Variants in SLC24A2 observed in about 807,000 individuals in gnomAD.
SLC24A2 encodes solute carrier family 24 member 2.
SLC24A2 carries 36 observed loss-of-function variants against 62.0 expected under a neutral mutation model. The observed-to-expected ratio is 0.58, with a 90% CI of 0.44 to 0.77. The LOEUF (loss-of-function observed/expected upper bound fraction) is 0.77, where lower values mean the gene tolerates loss of function less well. Among genes scored for constraint, SLC24A2 ranks in the 30% least tolerant of loss-of-function variants. The pLI, the probability that SLC24A2 is intolerant of heterozygous loss-of-function variation, is 0.00. For missense variants in SLC24A2, 846 were observed against 817.9 expected (o/e 1.03, Z -0.42); for synonymous variants, 358 against 294.0 (o/e 1.22, Z -2.23).
chr9:19,776,231 A>G (rs974412901), intron 2 of SLC24A2, among the ~76,000 whole-genome samples: 2 of 152,230 alleles, frequency 1.3e-5, no homozygotes, highest in African/African-American at 4.8e-5. Context: ...TGTATTTTTA[A>G]GTGCCCAGTG....
At chr9:19,827,740 C>T in the SLC24A2 span, among the ~76,000 whole-genome samples, 1 of 152,044 alleles carries the variant, frequency 6.6e-6, no homozygotes, top group Non-Finnish European at 1.5e-5. Context: ...TTTCTAGTTC[C>T]TCACTCCTGT....
chr9:20,035,931 G>C, the SLC24A2 span, among the ~76,000 whole-genome samples: 1 of 152,128 alleles, frequency 6.6e-6, no homozygotes, highest in East Asian at 1.9e-4. Context: ...AAATGGCTAG[G>C]GGTATAATTT....
At chr9:19,545,589 G>T (rs1834520617) in intron 8 of SLC24A2, among the ~76,000 whole-genome samples, 1 of 151,880 alleles carries the variant, frequency 6.6e-6, no homozygotes, top group African/African-American at 2.4e-5. Context: ...TGTAGTCAGT[G>T]ACCTTCGGAT....
At chr9:19,820,030 T>C in the SLC24A2 span, among the ~76,000 whole-genome samples, 2,147 of 25,842 alleles carry the variant, frequency 0.083, 72 homozygotes, top group Non-Finnish European at 0.13. Context: ...TATATACACA[T>C]ATATATATAT....
the SLC24A2 span, among the ~76,000 whole-genome samples, chr9:20,221,530 A>G: frequency 5.6e-4 from 85 of 152,130 alleles, no homozygotes; most frequent in African/African-American, 1.9e-3. Flanking sequence ...TTAATGGTGA[A>G]AAGGGAAGGA....
intron 2 of SLC24A2, among the ~76,000 whole-genome samples, chr9:19,667,132 A>G (rs183308843): frequency 1.3e-5 from 2 of 152,320 alleles, no homozygotes; most frequent in African/African-American, 4.8e-5. Flanking sequence ...GATTTATCAC[A>G]TAAAAAGAGA....
the SLC24A2 span, among the ~76,000 whole-genome samples, chr9:20,101,367 A>G: frequency 1.3e-5 from 2 of 152,228 alleles, no homozygotes; most frequent in Admixed American, 6.5e-5. Context: ...GTGCAATAAC[A>G]TGAGAAGCTG....
At chr9:19,677,425 T>C (rs1819592114) in intron 2 of SLC24A2, among the ~76,000 whole-genome samples, 1 of 152,182 alleles carries the variant, frequency 6.6e-6, no homozygotes, top group Middle Eastern at 3.2e-3. Flanking sequence ...CAGTGGGGTC[T>C]ATCAGACGGT....
chr9:20,250,945 C>T, the SLC24A2 span, among the ~76,000 whole-genome samples: 1 of 152,146 alleles, frequency 6.6e-6, no homozygotes, highest in Non-Finnish European at 1.5e-5. Context: ...GCACTTCTCA[C>T]CTCGATTAAT....
chr9:19,516,330 A>T lies in SLC24A2; in HGVS notation c.1809T>A (p.Leu603=), dbSNP rs1201407696. Residue 603 remains leucine, a synonymous_variant, in exon 11 of 11, where the codon CTT becomes CTA. Coordinates refer to ENST00000341998, the MANE Select transcript of SLC24A2 (RefSeq NM_020344.4). ...TGAAGAGAAGGACGATGGCACAGAAAAGGCCATTGCTGCTGACAGCCACTG... is the reference window on the plus strand; with the variant it reads ...TGAAGAGAAGGACGATGGCACAGAATAGGCCATTGCTGCTGACAGCCACTG... ...FQPVAVSSNG[L]FCAIVLLFIM... is the part of the protein sequence containing the mutation. 1.2e-6 allele frequency: 2 copies of T among 1,614,072 alleles called. No homozygotes were observed. Among genetic ancestry groups the T allele is most frequent in the Non-Finnish European group, 1.7e-6 (2 of 1,180,036 alleles).
chr9:19,888,264 A>C, the SLC24A2 span, among the ~76,000 whole-genome samples: 2 of 152,154 alleles, frequency 1.3e-5, no homozygotes, highest in Non-Finnish European at 2.9e-5. Context: ...GTTTCTTTTA[A>C]GTCCATTCCT....
At chr9:19,523,891 G>A (rs917855554) in intron 9 of SLC24A2, among the ~76,000 whole-genome samples, 4 of 152,126 alleles carry the variant, frequency 2.6e-5, no homozygotes. Flanking sequence ...AACTTCATGA[G>A]AATTTTCATT....
At chr9:19,875,202 C>G in the SLC24A2 span, among the ~76,000 whole-genome samples, 1 of 152,140 alleles carries the variant, frequency 6.6e-6, no homozygotes, top group African/African-American at 2.4e-5. Context: ...TCTCAAAGAA[C>G]TGAAATTTCC....
chr9:19,710,421 G>A (rs778530606), intron 2 of SLC24A2, among the ~76,000 whole-genome samples: 4 of 152,042 alleles, frequency 2.6e-5, no homozygotes, highest in East Asian at 1.9e-4. Flanking sequence ...GGGTGGTGGC[G>A]GTAAAGAAGT....
intron 8 of SLC24A2, among the ~76,000 whole-genome samples, chr9:19,531,989 C>A (rs1439212420): frequency 6.6e-6 from 1 of 152,092 alleles, no homozygotes; most frequent in East Asian, 1.9e-4. Context: ...TTCCACCACC[C>A]CTGAGGATAC....
chr9:19,726,603 C>G (rs1821177987), intron 2 of SLC24A2, among the ~76,000 whole-genome samples: 1 of 152,134 alleles, frequency 6.6e-6, no homozygotes, highest in Non-Finnish European at 1.5e-5. Flanking sequence ...TGATTTTGCT[C>G]TCTTCATAAT....
the SLC24A2 span, among the ~76,000 whole-genome samples, chr9:20,220,343 A>G: frequency 6.6e-6 from 1 of 152,120 alleles, no homozygotes; most frequent in African/African-American, 2.4e-5. Flanking sequence ...TTTCATCACC[A>G]CCTCGGATGC....
At chr9:20,135,787 G>C in the SLC24A2 span, among the ~76,000 whole-genome samples, 1 of 152,044 alleles carries the variant, frequency 6.6e-6, no homozygotes, top group African/African-American at 2.4e-5. Context: ...CAAGCTCCAG[G>C]CTCCAAAATA....
At chr9:19,601,883 A>C (rs547883434) in intron 4 of SLC24A2, among the ~76,000 whole-genome samples, 1 of 152,332 alleles carries the variant, frequency 6.6e-6, no homozygotes, top group African/African-American at 2.4e-5. Context: ...CAGGTGCTTA[A>C]CCTGTAACTG....
Sources: allele counts gnomAD v4.1 joint callset (sites outside exome capture counted in the v4.1 genomes callset), GRCh38; gene constraint gnomAD v4.1.1; transcripts MANE v1.5; gene names NCBI Gene and HGNC (gene_info 2026-07-23, HGNC 2026-07-21).